The following FUT8 variants were observed in gnomAD, a reference collection of about 807,000 sequenced individuals.
FUT8 encodes alpha-(1,6)-fucosyltransferase.
A neutral mutation model predicts 71.3 loss-of-function variants in FUT8; 29 were observed. That is an observed-to-expected ratio of 0.41 (90% CI 0.30 to 0.55). The LOEUF (loss-of-function observed/expected upper bound fraction) is 0.55. Among genes scored for constraint, FUT8 ranks in the 20% least tolerant of loss-of-function variants. The pLI, the probability that FUT8 is intolerant of heterozygous loss-of-function variation, is 0.34. For synonymous variants in FUT8, 254 were observed against 239.3 expected, an observed-to-expected ratio of 1.06 and a Z score of -0.57; for missense variants, 544 against 702.1, an observed-to-expected ratio of 0.77 and a Z score of 2.55.
chr14:65,551,599 T>C (rs929493298), intron 2 of FUT8, among the ~76,000 whole-genome samples: 5 of 152,216 alleles, frequency 3.3e-5, no homozygotes, highest in Admixed American at 2.0e-4. Flanking sequence ...AGAAAACTGT[T>C]GCAGATGATG....
At chr14:65,726,309 A>T (rs1409258105) in intron 9 of FUT8, among the ~76,000 whole-genome samples, 1 of 152,250 alleles carries the variant, frequency 6.6e-6, no homozygotes, top group Non-Finnish European at 1.5e-5. Context: ...ACTTAAAAAT[A>T]TGCAAGTTGG....
intron 2 of FUT8, among the ~76,000 whole-genome samples, chr14:65,551,941 C>T (rs59921977): frequency 0.12 from 18,927 of 151,896 alleles, 1,522 homozygotes; most frequent in East Asian, 0.38. Context: ...TTCAGCTCTG[C>T]GGTAAAATCT....
chr14:65,511,404 A>G (rs1162367293), intron 2 of FUT8, among the ~76,000 whole-genome samples: 2 of 152,130 alleles, frequency 1.3e-5, no homozygotes, highest in African/African-American at 4.8e-5. Flanking sequence ...TGGAAGAAAT[A>G]TTCTTTAAAT....
intron 2 of FUT8, among the ~76,000 whole-genome samples, chr14:65,517,458 A>C (rs937290545): frequency 6.6e-6 from 1 of 152,162 alleles, no homozygotes; most frequent in African/African-American, 2.4e-5. Flanking sequence ...GAAGCTGAAG[A>C]GATATCTGAG....
intron 1 of FUT8, among the ~76,000 whole-genome samples, chr14:65,418,497 A>G (rs889148450): frequency 1.3e-5 from 2 of 152,244 alleles, no homozygotes; most frequent in African/African-American, 2.4e-5. Context: ...CCAACATTCC[A>G]TAAGCTAATC....
At position 65,549,039 on chromosome 14, in the gene FUT8, A is replaced by G. The variant is rs552255642; in HGVS notation, c.-227-12298A>G. 4.9e-4 allele frequency among the ~76,000 whole-genome samples: 74 copies of G among 152,306 alleles called. No homozygotes were observed. In the South Asian group the frequency reaches 0.015, roughly 31 times the overall value. On this transcript the variant is annotated intron_variant, in intron 2 of 10. Transcript: ENST00000673929. Reference sequence around the variant, plus strand: ...ATTGCAACCACACTTTGATACCACTACACAGCTACCAGAATTGCCTTTAAA... The same window carrying G: ...ATTGCAACCACACTTTGATACCACTGCACAGCTACCAGAATTGCCTTTAAA...
intron 3 of FUT8, among the ~76,000 whole-genome samples, chr14:65,589,441 CTTTT>C: frequency 9.1e-6 from 1 of 109,940 alleles, no homozygotes; most frequent in East Asian, 2.8e-4. Context: ...TGCCTTAAAT[CTTTT>C]TTTTTTTTTT....
intron 3 of FUT8, among the ~76,000 whole-genome samples, chr14:65,598,073 C>T (rs1445494297): frequency 3.3e-5 from 5 of 152,038 alleles, no homozygotes; most frequent in African/African-American, 1.2e-4. Flanking sequence ...ACTCTGGAAG[C>T]TGAGGTAAGA....
At position 65,490,558 on chromosome 14, in the gene FUT8, T is replaced by C. The variant is rs80231787; in HGVS notation, c.-228+34840T>C. 9.1e-3 allele frequency among the ~76,000 whole-genome samples: 1,386 copies of C among 152,272 alleles called. 6 individuals carry two copies. Among genetic ancestry groups the C allele is most frequent in the Middle Eastern group, 0.014 (4 of 294 alleles). On this transcript the variant is annotated intron_variant, in intron 2 of 10. Transcript: ENST00000673929. ...AGCCTGTATCTGTGTTAAAAAAATA[T>C]ATTTCTTCAAATTTTACTCTACTAG... is the stretch of plus-strand genomic sequence containing the variant.
chr14:65,424,837 T>C (rs191236717), intron 1 of FUT8, among the ~76,000 whole-genome samples: 121 of 152,132 alleles, frequency 8.0e-4, no homozygotes, highest in Non-Finnish European at 1.1e-3. Flanking sequence ...TTTTTGTGTT[T>C]TTTGTAGAGA....
chr14:65,655,368 C>T (rs547403543), intron 6 of FUT8, among the ~76,000 whole-genome samples: 4 of 150,514 alleles, frequency 2.7e-5, no homozygotes, highest in Non-Finnish European at 4.4e-5. Flanking sequence ...CCCAGCTACT[C>T]GGGAGGCTGT....
At chr14:65,691,236 T>C (rs1893570168) in intron 7 of FUT8, among the ~76,000 whole-genome samples, 1 of 151,212 alleles carries the variant, frequency 6.6e-6, no homozygotes, top group African/African-American at 2.5e-5. Context: ...TTTTCTTTCT[T>C]TCTTTTGTCT....
At chr14:65,680,567 T>A (rs1257725905) in intron 7 of FUT8, among the ~76,000 whole-genome samples, 1 of 152,240 alleles carries the variant, frequency 6.6e-6, no homozygotes, top group Admixed American at 6.5e-5. Context: ...CCTTACACTT[T>A]AAATTTTTAT....
intron 7 of FUT8, among the ~76,000 whole-genome samples, chr14:65,689,340 T>C (rs1893460168): frequency 6.6e-6 from 1 of 152,218 alleles, no homozygotes; most frequent in South Asian, 2.1e-4. Context: ...GCCCATTTTA[T>C]AATTGGGTTG....
intron 6 of FUT8, among the ~76,000 whole-genome samples, chr14:65,651,896 G>C (rs1891428110): frequency 6.6e-6 from 1 of 152,148 alleles, no homozygotes; most frequent in Admixed American, 6.5e-5. Context: ...GGACCTCTGA[G>C]AAAATTACAG....
At chr14:65,439,944 G>T (rs2065617202) in intron 1 of FUT8, among the ~76,000 whole-genome samples, 1 of 41,274 alleles carries the variant, frequency 2.4e-5, no homozygotes, top group African/African-American at 6.3e-5. Flanking sequence ...GAAAATGTGT[G>T]TGTGTGTGTG....
rs1214500270 is a variant in FUT8 at position 65,489,658 on chromosome 14, C to T, written c.-228+33940C>T. Among the ~76,000 whole-genome samples the T allele has an allele frequency of 6.6e-6, 1 of 152,038 alleles. No homozygotes were observed. The highest frequency in any genetic ancestry group is 2.4e-5 in the African/African-American group (1 of 41,424). ...ATGAGTCTTAAAATATGTATAGCTT[C>T]ATTTGTGTTGATTGATGTTGTAACT... On this transcript the variant is annotated intron_variant, in intron 2 of 10. Transcript: ENST00000673929. This position sits in a 1 kb window ranked among gnomAD's most constrained non-coding sequence, Gnocchi z 4.0.
rs140274494 is a variant in FUT8, at chr14:65,539,590, G to A, written c.-227-21747G>A. 1.1e-4 allele frequency among the ~76,000 whole-genome samples: 17 copies of A among 152,178 alleles called. No homozygotes were observed. In the East Asian group the frequency reaches 3.3e-3, roughly 29 times the overall value. ...TTCTTCTTTCTTATCTGTAAATTAA[G>A]GATAATATGGGTACTTATTTATGTA... On this transcript the variant is annotated intron_variant, in intron 2 of 10. Coordinates refer to ENST00000673929, the MANE Select transcript of FUT8 (RefSeq NM_001371533.1).
chr14:65,459,592 A>G (rs1434598095), intron 2 of FUT8, among the ~76,000 whole-genome samples: 1 of 151,820 alleles, frequency 6.6e-6, no homozygotes, highest in Non-Finnish European at 1.5e-5. Flanking sequence ...TCCCAGGATA[A>G]AGAGAGAGAG....
Sources: gnomAD v4.1 joint callset for allele counts (sites outside exome capture counted in the v4.1 genomes callset) on GRCh38, gnomAD v4.1.1 for gene constraint, Gnocchi (gnomAD v3.1) non-coding constraint, MANE v1.5 for transcripts, NCBI Gene and HGNC (gene_info 2026-07-23, HGNC 2026-07-21) for gene names.